The following DGKB variants were observed in gnomAD, a reference collection of about 807,000 sequenced individuals.
The protein encoded by DGKB is 90 kDa diacylglycerol kinase.
Under a neutral mutation model 114.3 loss-of-function variants are expected in DGKB, and 67 were observed. That is an observed-to-expected ratio of 0.59 (90% CI 0.48 to 0.72). The LOEUF (loss-of-function observed/expected upper bound fraction) is 0.72, where lower values mean the gene tolerates loss of function less well. DGKB is among the 30% of genes least tolerant of loss of function. The pLI is 0.00. For synonymous variants in DGKB, 398 were observed against 323.1 expected (o/e 1.23, Z -2.49); for missense variants, 907 against 975.2 (o/e 0.93, Z 0.93).
intron 6 of DGKB, among the ~76,000 whole-genome samples, chr7:14,704,197 A>G (rs961011600): frequency 6.6e-6 from 1 of 151,584 alleles, no homozygotes; most frequent in Non-Finnish European, 1.5e-5. Flanking sequence ...CCACTTTGGG[A>G]AGCCGAGGCA....
chr7:14,309,518 A>G (rs531227741), intron 23 of DGKB, among the ~76,000 whole-genome samples: 6 of 152,316 alleles, frequency 3.9e-5, no homozygotes, highest in African/African-American at 1.4e-4. Flanking sequence ...CCATGATCAG[A>G]ACCCTGATAG....
In DGKB at chr7:14,696,358, G is replaced by A. The variant is rs556524199; in HGVS notation, c.591+1737C>T. On this transcript the variant is annotated intron_variant, in intron 8 of 25. Transcript: ENST00000402815. ...AATACAAAAAAAATTAGCCGGGCGC[G>A]GTGGCGGGCGCCTGTAGTCCCAGCT... Among the ~76,000 whole-genome samples the A allele has an allele frequency of 4.5e-4, 68 of 151,862 alleles. 1 individual carries two copies. In the East Asian group the frequency reaches 0.012, roughly 26 times the overall value.
intron 23 of DGKB, among the ~76,000 whole-genome samples, chr7:14,211,094 C>T (rs2128304469): frequency 6.6e-6 from 1 of 152,110 alleles, no homozygotes; most frequent in South Asian, 2.1e-4. Flanking sequence ...CTGTGTTCTC[C>T]TACTCACCTC....
intron 21 of DGKB, among the ~76,000 whole-genome samples, chr7:14,465,020 T>C (rs1833623688): frequency 6.6e-6 from 1 of 152,110 alleles, no homozygotes; most frequent in African/African-American, 2.4e-5. Flanking sequence ...GTGGAAAAAC[T>C]TGGTGAAGAT....
At chr7:14,657,632 T>C (rs770571365) in intron 13 of DGKB, among the ~76,000 whole-genome samples, 6 of 151,874 alleles carry the variant, frequency 4.0e-5, no homozygotes, top group Non-Finnish European at 5.9e-5. Flanking sequence ...GAAACAGCCA[T>C]AATGATGTGA....
chr7:14,472,037 G>C (rs2128891761), intron 21 of DGKB, among the ~76,000 whole-genome samples: 1 of 152,258 alleles, frequency 6.6e-6, no homozygotes, highest in East Asian at 1.9e-4. Context: ...TGTGATCGCT[G>C]GCCATAAGTG....
At chr7:14,504,221 CT>C (rs1001548997) in intron 20 of DGKB, among the ~76,000 whole-genome samples, 1 of 152,028 alleles carries the variant, frequency 6.6e-6, no homozygotes, top group African/African-American at 2.4e-5. Flanking sequence ...ATACTCCAAA[CT>C]TTTCATGGAG....
intron 2 of DGKB, among the ~76,000 whole-genome samples, chr7:14,790,184 T>C (rs10230027): frequency 0.37 from 55,635 of 152,054 alleles, 11,720 homozygotes; most frequent in African/African-American, 0.59. Context: ...TTATATATTT[T>C]ACATGCTAGT....
intron 2 of DGKB, among the ~76,000 whole-genome samples, chr7:14,783,258 G>T (rs781341264): frequency 6.6e-5 from 10 of 152,122 alleles, no homozygotes; most frequent in Non-Finnish European, 1.2e-4. Flanking sequence ...ACAGGATATG[G>T]TTATTCAAAA....
intron 21 of DGKB, among the ~76,000 whole-genome samples, chr7:14,389,580 C>T (rs1458125281): frequency 4.6e-5 from 7 of 152,100 alleles, no homozygotes; most frequent in Non-Finnish European, 8.8e-5. Context: ...GAACCTGTGC[C>T]GTTGAAGATA....
At chr7:14,398,346 C>A (rs551302046) in intron 21 of DGKB, among the ~76,000 whole-genome samples, 1 of 151,998 alleles carries the variant, frequency 6.6e-6, no homozygotes, top group African/African-American at 2.4e-5. Context: ...ATTAGAAAAA[C>A]AGACACTTTA....
chr7:14,694,057 C>A lies in DGKB; in HGVS notation c.711+18G>T, dbSNP rs752879836. 6.4e-7 allele frequency: 1 copy of A among 1,566,790 alleles called. No individual in the cohort carries two copies. Among genetic ancestry groups the A allele is most frequent in the East Asian group, 2.3e-5 (1 of 43,050 alleles). ...ACTGACTCACCACCAGGCCACCCTCCTCTGTGGAAATGCTTACATTTTCTA... is the reference window on the plus strand; with the variant it reads ...ACTGACTCACCACCAGGCCACCCTCATCTGTGGAAATGCTTACATTTTCTA... On this transcript the variant is annotated intron_variant, in intron 9 of 25. Transcript: ENST00000402815.
intron 21 of DGKB, among the ~76,000 whole-genome samples, chr7:14,399,114 T>C (rs1268150345): frequency 1.3e-5 from 2 of 151,538 alleles, no homozygotes; most frequent in Non-Finnish European, 3.0e-5. Flanking sequence ...TTTTAACTTC[T>C]CCAACGCTCA....
At chr7:14,861,419 T>A (rs1850957814) in intron 1 of DGKB, among the ~76,000 whole-genome samples, 1 of 152,010 alleles carries the variant, frequency 6.6e-6, no homozygotes, top group African/African-American at 2.4e-5. Flanking sequence ...TCAAATATAG[T>A]AAACATAGCT....
intron 23 of DGKB, among the ~76,000 whole-genome samples, chr7:14,230,994 G>A (rs1247207423): frequency 6.6e-6 from 1 of 151,994 alleles, no homozygotes; most frequent in African/African-American, 2.4e-5. Context: ...GATCTTCCAG[G>A]AGGACAAGGG....
chr7:14,785,255 ATTCTT>A (rs1839712818), intron 2 of DGKB, among the ~76,000 whole-genome samples: 1 of 152,200 alleles, frequency 6.6e-6, no homozygotes, highest in Admixed American at 6.5e-5. Context: ...GCATTTTAAA[ATTCTT>A]TTCAAGTATC....
intron 1 of DGKB, among the ~76,000 whole-genome samples, chr7:14,942,745 C>T (rs1046592792): frequency 5.3e-5 from 8 of 152,002 alleles, no homozygotes; most frequent in Non-Finnish European, 1.2e-4. Flanking sequence ...ATTTGCATGA[C>T]TCAATTCCTT....
chr7:14,782,262 G>C (rs1586467185), intron 2 of DGKB, among the ~76,000 whole-genome samples: 2 of 152,300 alleles, frequency 1.3e-5, no homozygotes, highest in East Asian at 3.9e-4. Flanking sequence ...CTGGCCTCAA[G>C]TGATCTGCTC....
intron 23 of DGKB, among the ~76,000 whole-genome samples, chr7:14,337,067 A>G (rs1262763703): frequency 6.6e-6 from 1 of 152,192 alleles, no homozygotes; most frequent in African/African-American, 2.4e-5. Flanking sequence ...ATACAATTAC[A>G]AAAGGGTTTT....
Sources: allele counts gnomAD v4.1 joint callset (sites outside exome capture counted in the v4.1 genomes callset), GRCh38; gene constraint gnomAD v4.1.1; transcripts MANE v1.5; gene names NCBI Gene and HGNC (gene_info 2026-07-23, HGNC 2026-07-21).